ARL6: variants seen among roughly 807,000 people sequenced by gnomAD.
ARL6 encodes the protein ADP-ribosylation factor-like protein 6.
A neutral mutation model predicts 27.1 loss-of-function variants in ARL6; 18 were observed. The ratio of observed to expected loss-of-function variants is 0.66; its 90% CI spans 0.46 to 0.98. The LOEUF (loss-of-function observed/expected upper bound fraction) is 0.98. ARL6 is among the 50% of genes least tolerant of loss of function. The probability of loss-of-function intolerance (pLI) is 0.00; values close to 1 mark genes in which losing one functional copy is unlikely to be tolerated. For synonymous variants in ARL6, 65 were observed against 72.3 expected, an observed-to-expected ratio of 0.90 and a Z score of 0.51; for missense variants, 187 against 214.9, an observed-to-expected ratio of 0.87 and a Z score of 0.81.
At chr3:97,766,620 A>G (rs143739859) in intron 1 of ARL6, 3 of 152,148 alleles carry the variant, frequency 2.0e-5, no homozygotes, top group Admixed American at 1.3e-4. Flanking sequence ...TGACTATGCA[A>G]CCTCCTTTTA....
At chr3:97,796,879 TAGAATA>T (rs2038028599) in intron 7 of ARL6, among the ~76,000 whole-genome samples, 1 of 152,186 alleles carries the variant, frequency 6.6e-6, no homozygotes, top group Non-Finnish European at 1.5e-5. Context: ...ATTTTGACAG[TAGAATA>T]AAGACATCTT....
intron 7 of ARL6, among the ~76,000 whole-genome samples, chr3:97,796,343 A>T (rs2038002192): frequency 6.6e-6 from 1 of 152,078 alleles, no homozygotes; most frequent in African/African-American, 2.4e-5. Context: ...ACGAAAAAAA[A>T]TGAGTTCTTG....
At chr3:97,785,152 A>G in intron 5 of ARL6, 103 bp downstream of exon 5, 1 of 858,882 alleles carries the variant, frequency 1.2e-6, no homozygotes, top group Non-Finnish European at 1.9e-6. Context: ...TCTTTCATTT[A>G]AAATTTTTGA....
intron 3 of ARL6, 138 bp downstream of exon 3, chr3:97,780,358 C>CT: frequency 2.6e-6 from 2 of 763,934 alleles, no homozygotes; most frequent in Non-Finnish European, 4.2e-6. Flanking sequence ...TTTCTAACCA[C>CT]TATGGCTGGT....
intron 7 of ARL6, 101 bp downstream of exon 7, chr3:97,791,927 C>A: frequency 1.9e-6 from 2 of 1,061,268 alleles, no homozygotes; most frequent in Non-Finnish European, 2.8e-6. Flanking sequence ...GCCTTTTTTC[C>A]TCTTTCCATT....
Position 97,798,388 on chromosome 3 carries a change from CTT to C in ARL6, c.*343_*344del, listed in dbSNP as rs543452777. 4.5e-4 allele frequency: 76 copies of C among 169,256 alleles called. No homozygotes were observed. Among genetic ancestry groups the C allele is most frequent in the African/African-American group, 1.7e-3 (70 of 42,098 alleles). The allele number at this position is 169,256 out of a possible 1,614,324, so 10.5% of individuals were successfully genotyped here. Reference sequence around the variant, plus strand: ...TTAATATATTTTATTTTTTAATTGTCTTTTTAAAAAATTTAGTTTATGACTTT... The same window carrying C: ...TTAATATATTTTATTTTTTAATTGTCTTTAAAAAATTTAGTTTATGACTTT... On this transcript the variant is annotated 3_prime_UTR_variant, in exon 8 of 8. Transcript: ENST00000463745.
chr3:97,772,415 T>C (rs1576434306), intron 2 of ARL6, among the ~76,000 whole-genome samples: 1 of 152,136 alleles, frequency 6.6e-6, no homozygotes, highest in East Asian at 1.9e-4. Flanking sequence ...TCTTTTTTTT[T>C]CCTAGTTTAT....
At chr3:97,789,169 T>C (rs1359947475) in intron 6 of ARL6, among the ~76,000 whole-genome samples, 2 of 152,174 alleles carry the variant, frequency 1.3e-5, no homozygotes, top group East Asian at 1.9e-4. Flanking sequence ...TCCCAGGAGC[T>C]AAACCCTGCA....
At chr3:97,786,755 C>T (rs2037477287) in intron 5 of ARL6, among the ~76,000 whole-genome samples, 1 of 152,062 alleles carries the variant, frequency 6.6e-6, no homozygotes, top group South Asian at 2.1e-4. Context: ...TTCTAAAAAT[C>T]AGTAAGAATA....
At chr3:97,777,928 T>A (rs1374955618) in intron 2 of ARL6, among the ~76,000 whole-genome samples, 1 of 152,218 alleles carries the variant, frequency 6.6e-6, no homozygotes, top group Non-Finnish European at 1.5e-5. Flanking sequence ...CAAGTTTCTC[T>A]GGAAATAAAA....
Position 97,798,482 on chromosome 3 carries a change from A to G in ARL6, c.*433A>G, listed in dbSNP as rs1184301564. On this transcript the variant is annotated 3_prime_UTR_variant, in exon 8 of 8. Transcript: ENST00000463745. ...ATAAGGGACCATGGGTAATTAATAT[A>G]TATTCAATTTTTACTATGTGTCACT... 7 of 153,774 alleles carry G rather than the reference A, an allele frequency of 4.6e-5. No homozygotes were observed. Among genetic ancestry groups the G allele is most frequent in the African/African-American group, 9.6e-5 (4 of 41,486 alleles). The allele number at this position is 153,774 out of a possible 1,614,324, so 9.5% of individuals were successfully genotyped here. A position where few individuals can be genotyped will look rare whatever the true frequency, so the allele number is the denominator to read the frequency against.
intron 7 of ARL6, among the ~76,000 whole-genome samples, chr3:97,794,455 C>A (rs921609845): frequency 6.6e-6 from 1 of 151,962 alleles, no homozygotes; most frequent in African/African-American, 2.4e-5. Context: ...CTCAGGTGAT[C>A]CACCCACCTC....
At chr3:97,776,458 G>A (rs2036906076) in intron 2 of ARL6, among the ~76,000 whole-genome samples, 1 of 151,966 alleles carries the variant, frequency 6.6e-6, no homozygotes, top group South Asian at 2.1e-4. Flanking sequence ...GATAGGTAAG[G>A]ACTTACTATT....
At chr3:97,797,468 G>A (rs553829978) in intron 7 of ARL6, among the ~76,000 whole-genome samples, 1 of 152,164 alleles carries the variant, frequency 6.6e-6, no homozygotes, top group Non-Finnish European at 1.5e-5. Context: ...TTAGGAGAAT[G>A]GGGGTATTAG....
intron 2 of ARL6, among the ~76,000 whole-genome samples, chr3:97,777,882 G>T (rs2036987448): frequency 6.6e-6 from 1 of 152,104 alleles, no homozygotes; most frequent in African/African-American, 2.4e-5. Context: ...GGAAAGAAAA[G>T]AAAATTTATG....
At chr3:97,786,833 CTT>C (rs1440294337) in intron 5 of ARL6, among the ~76,000 whole-genome samples, 1 of 152,094 alleles carries the variant, frequency 6.6e-6, no homozygotes, top group Non-Finnish European at 1.5e-5. Flanking sequence ...ATTTAAACAT[CTT>C]TTGAATATAT....
At chr3:97,780,120 G>A in intron 2 of ARL6, 39 bp from the exon 3 acceptor site, 1 of 1,531,032 alleles carries the variant, frequency 6.5e-7, no homozygotes, top group Non-Finnish European at 9.1e-7. Context: ...CTCATCTCTG[G>A]TAATTGTAAA....
chr3:97,786,791 A>G (rs987354784), intron 5 of ARL6, among the ~76,000 whole-genome samples: 4 of 152,202 alleles, frequency 2.6e-5, no homozygotes, highest in African/African-American at 9.6e-5. Flanking sequence ...AAATGGGGAA[A>G]GGACATATCA....
At chr3:97,790,022 G>A (rs991572675) in intron 6 of ARL6, among the ~76,000 whole-genome samples, 4 of 147,934 alleles carry the variant, frequency 2.7e-5, no homozygotes, top group East Asian at 2.0e-4. Context: ...CTTCAGATGC[G>A]TTCTTTGACT....
Sources: gnomAD v4.1 joint callset for allele counts (sites outside exome capture counted in the v4.1 genomes callset) on GRCh38, gnomAD v4.1.1 for gene constraint, MANE v1.5 for transcripts, NCBI Gene and HGNC (gene_info 2026-07-23, HGNC 2026-07-21) for gene names.